Variants in CADM4 observed in about 807,000 individuals in gnomAD.
The protein encoded by CADM4 is TSLC1-like 2.
Under a neutral mutation model 43.9 loss-of-function variants are expected in CADM4, and 13 were observed. The ratio of observed to expected loss-of-function variants is 0.30; its 90% CI spans 0.19 to 0.47. CADM4 has a LOEUF of 0.47. Ranked by LOEUF, CADM4 falls within the 20% of genes least tolerant of loss-of-function variation. The pLI is 1.00. For missense variants in CADM4, 420 were observed against 527.0 expected (o/e 0.80, Z 1.99); for synonymous variants, 209 against 220.9 (o/e 0.95, Z 0.48).
Position 43,625,217 on chromosome 19 carries a change from C to T in CADM4, c.789G>A (p.Glu263=). ...PNQIRWNRGN[E]SLPERAEAVG... ...CGGCCTCCGCCCTCTCCGGCAAAGA[C>T]TCATTCCCGCGGTTCCAGCGGATCT... The change falls in exon 7 of 9, where the codon GAG becomes GAA. Residue 263 remains glutamate, a synonymous_variant. Transcript: ENST00000222374. The surrounding 1 kb of genome is among the most constrained non-coding windows in gnomAD (Gnocchi z 4.5). 5 of 1,614,242 alleles carry T rather than the reference C, an allele frequency of 3.1e-6. No homozygotes were observed. The highest frequency in any genetic ancestry group is 3.4e-6 in the Non-Finnish European group (4 of 1,180,038).
At chr19:43,637,725 C>T (rs889911391) in intron 1 of CADM4, among the ~76,000 whole-genome samples, 7 of 152,124 alleles carry the variant, frequency 4.6e-5, no homozygotes, top group Non-Finnish European at 8.8e-5. Flanking sequence ...ATATTCTGAT[C>T]CTGAGAATTC....
Position 43,625,133 on chromosome 19 carries a change from G to A in CADM4, c.873C>T (p.Cys291=), listed in dbSNP as rs761939968. ...CATGGCCGTGCTTATTGGACGCCTC[G>A]CAAGTGTAGGTGCCGTTATCCGCGG... ...LVSADNGTYT[C]EASNKHGHAR... Residue 291 remains cysteine, a synonymous_variant, in exon 7 of 9, where the codon TGC becomes TGT. Transcript: ENST00000222374. The surrounding 1 kb of genome is among the most constrained non-coding windows in gnomAD (Gnocchi z 4.5). The A allele has an allele frequency of 7.4e-6, 12 of 1,612,948 alleles. No individual in the cohort carries two copies. Among genetic ancestry groups the A allele is most frequent in the East Asian group, 2.2e-5 (1 of 44,784 alleles).
At chr19:43,634,018 C>T (rs1302523131) in intron 1 of CADM4, among the ~76,000 whole-genome samples, 3 of 152,154 alleles carry the variant, frequency 2.0e-5, no homozygotes, top group East Asian at 1.9e-4. Flanking sequence ...CATTTCAGCC[C>T]GACAACTTTG....
chr19:43,626,386 C>T lies in CADM4; in HGVS notation c.500-98G>A, dbSNP rs1973528781. 10 of 1,447,128 alleles carry T rather than the reference C, an allele frequency of 6.9e-6. No individual in the cohort carries two copies. Among genetic ancestry groups the T allele is most frequent in the South Asian group, 1.3e-5 (1 of 77,524 alleles). 89.6% of individuals were successfully genotyped at this position (1,447,128 alleles called of 1,614,324 possible). Reference sequence around the variant, plus strand: ...AAAGCAGGCTATTTGCCAAGCTCCACCCCTTACCCACAGGCCCCGCCTCTT... The same window carrying T: ...AAAGCAGGCTATTTGCCAAGCTCCATCCCTTACCCACAGGCCCCGCCTCTT... On this transcript the variant is annotated intron_variant, in intron 4 of 8. Coordinates refer to ENST00000222374, the MANE Select transcript of CADM4 (RefSeq NM_145296.2). This position sits in a 1 kb window ranked among gnomAD's most constrained non-coding sequence, Gnocchi z 5.9.
chr19:43,624,216 T>C lies in CADM4; in HGVS notation c.955A>G (p.Thr319Ala). Residue 319 changes from threonine to alanine, a missense_variant, in exon 8 of 9, where the codon ACG (threonine) becomes GCG (alanine). Thr to Ala is a moderately conservative substitution (Grantham distance 58). Coordinates refer to ENST00000222374, the MANE Select transcript of CADM4 (RefSeq NM_145296.2). ...CCCACAATGGCATAGGGAACCGACG[T>C]CTGAGCCTCTACCACCGCACCAGGG... The part of the protein sequence containing the change: ...YDPGAVVEAQ[T>A]SVPYAIVGGI... 1 of 1,614,194 alleles carries C rather than the reference T, an allele frequency of 6.2e-7. No homozygotes were observed. The highest frequency in any genetic ancestry group is 8.5e-7 in the Non-Finnish European group (1 of 1,180,028).
intron 1 of CADM4, among the ~76,000 whole-genome samples, chr19:43,637,477 C>T (rs1229555420): frequency 1.3e-5 from 2 of 152,088 alleles, no homozygotes; most frequent in Non-Finnish European, 2.9e-5. Context: ...ACTAAAGGGT[C>T]CTGGGTAAGG....
Position 43,627,525 on chromosome 19 carries a change from C to A in CADM4, c.211+119G>T. 1 of 1,314,332 alleles carries A rather than the reference C, an allele frequency of 7.6e-7. No homozygotes were observed. Among genetic ancestry groups the A allele is most frequent in the Non-Finnish European group, 1.0e-6 (1 of 969,748 alleles). 81.4% of individuals were successfully genotyped at this position (1,314,332 alleles called of 1,614,324 possible). A position where few individuals can be genotyped will look rare whatever the true frequency, so the allele number is the denominator to read the frequency against. ...GGACCAGCAGTCCGGGACCCCAGCC[C>A]TTTCTTCTCCGAGACCCAGGAGACC... On this transcript the variant is annotated intron_variant, in intron 2 of 8. Transcript: ENST00000222374. This position sits in a 1 kb window ranked among gnomAD's most constrained non-coding sequence, Gnocchi z 4.0.
At chr19:43,624,623 C>T (rs554012402) in intron 7 of CADM4, among the ~76,000 whole-genome samples, 1 of 152,258 alleles carries the variant, frequency 6.6e-6, no homozygotes, top group East Asian at 1.9e-4. Context: ...TCTTTTGACT[C>T]AAGTTTCTTC....
At chr19:43,624,938 C>T in intron 7 of CADM4, 140 bp downstream of exon 7, 1 of 920,450 alleles carries the variant, frequency 1.1e-6, no homozygotes, top group South Asian at 1.8e-5. Flanking sequence ...AATTTGAGCC[C>T]CGCGGGCCAG....
intron 1 of CADM4, among the ~76,000 whole-genome samples, chr19:43,628,593 C>A (rs1370106625): frequency 1.3e-5 from 2 of 152,196 alleles, no homozygotes; most frequent in African/African-American, 4.8e-5. Flanking sequence ...ATGCCCTTTG[C>A]AAGTTGATTT....
At position 43,626,818 on chromosome 19, in the gene CADM4, G is replaced by T; in HGVS notation, c.465C>A (p.Thr155=). Residue 155 remains threonine (T), a synonymous_variant, in exon 4 of 9, where the codon ACC becomes ACA. Coordinates refer to ENST00000222374, the MANE Select transcript of CADM4 (RefSeq NM_145296.2). The surrounding 1 kb of genome is among the most constrained non-coding windows in gnomAD (Gnocchi z 5.9). Reference sequence around the variant, plus strand: ...CCTTGCGGTCCCGGTACCAGCGCAGGGTGGCAGCCGGACGGGACCGCGGAA... The same window carrying T: ...CCTTGCGGTCCCGGTACCAGCGCAGTGTGGCAGCCGGACGGGACCGCGGAA... The part of the protein sequence containing the change: ...CLVPRSRPAA[T]LRWYRDRKEL... The T allele has an allele frequency of 6.2e-7, 1 of 1,609,452 alleles. No homozygotes were observed. Among genetic ancestry groups the T allele is most frequent in the Non-Finnish European group, 8.5e-7 (1 of 1,177,466 alleles).
At chr19:43,635,449 C>T (rs1973688392) in intron 1 of CADM4, among the ~76,000 whole-genome samples, 1 of 151,666 alleles carries the variant, frequency 6.6e-6, no homozygotes, top group Admixed American at 6.6e-5. Context: ...CCTCCTCCCT[C>T]AGAAACCTGC....
Position 43,625,379 on chromosome 19 carries a change from C to T in CADM4, c.756-129G>A. ...CCAAATAAGAGGCTTCCTGCTATCT[C>T]TTTCCTTTCTGGAAAACCAACAGTC... On this transcript the variant is annotated intron_variant, in intron 6 of 8. Transcript: ENST00000222374. The surrounding 1 kb of genome is among the most constrained non-coding windows in gnomAD (Gnocchi z 4.5). The T allele has an allele frequency of 1.1e-6, 1 of 939,682 alleles. No individual in the cohort carries two copies. The highest frequency in any genetic ancestry group is 1.5e-6 in the Non-Finnish European group (1 of 647,966). The allele number at this position is 939,682 out of a possible 1,614,324, so 58.2% of individuals were successfully genotyped here.
Position 43,626,752 on chromosome 19 carries a change from C to G in CADM4, c.499+32G>C, listed in dbSNP as rs114882270. The G allele has an allele frequency of 1.5e-3, 2,288 of 1,538,296 alleles. 18 individuals carry two copies. In the African/African-American group the frequency reaches 0.028, roughly 19 times the overall value. ...AACCTCTCCTAAGTCCCACCTCCTCCCCATCCCTTGTCAGCACTCGGCCCA... is the reference window on the plus strand; with the variant it reads ...AACCTCTCCTAAGTCCCACCTCCTCGCCATCCCTTGTCAGCACTCGGCCCA... On this transcript the variant is annotated intron_variant, in intron 4 of 8. Transcript: ENST00000222374. The surrounding 1 kb of genome is among the most constrained non-coding windows in gnomAD (Gnocchi z 5.9).
Position 43,622,534 on chromosome 19 carries a change from TGATATTTTC to T in CADM4, c.*787_*795del, listed in dbSNP as rs1455943522. 1 of 152,268 alleles carries T rather than the reference TGATATTTTC, an allele frequency of 6.6e-6. No homozygotes were observed. Among genetic ancestry groups the T allele is most frequent in the Non-Finnish European group, 1.5e-5 (1 of 68,070 alleles). 9.4% of individuals were successfully genotyped at this position (152,268 alleles called of 1,614,324 possible). On this transcript the variant is annotated 3_prime_UTR_variant, in exon 9 of 9. Transcript: ENST00000222374. ...GGAATGGGGAGAGGGGGGTGCAATC[TGATATTTTC>T]ATACAGACTTTTGATTTTTTAATAT...
intron 1 of CADM4, among the ~76,000 whole-genome samples, chr19:43,628,923 C>G (rs1302893791): frequency 6.6e-6 from 1 of 152,160 alleles, no homozygotes; most frequent in Non-Finnish European, 1.5e-5. Flanking sequence ...CAGTTGAGAC[C>G]AATAAAAGAT....
intron 1 of CADM4, among the ~76,000 whole-genome samples, chr19:43,630,810 C>T (rs1431388451): frequency 2.6e-5 from 4 of 152,166 alleles, no homozygotes; most frequent in Admixed American, 2.0e-4. Flanking sequence ...GATTTGCTTT[C>T]ATCCTAAGGG....
intron 1 of CADM4, among the ~76,000 whole-genome samples, chr19:43,629,281 C>T (rs1048716858): frequency 1.4e-4 from 22 of 152,094 alleles, no homozygotes; most frequent in East Asian, 1.2e-3. Flanking sequence ...CCCCATGACC[C>T]GCCTGTATAG....
rs1339772319 is a variant in CADM4 at position 43,622,450 on chromosome 19, T to G, written c.*880A>C. ...CCCTCCCCACCCCGTACAAAATGTGTGTGTGGTTTTTTGTTTTTTGTTTTT... is the reference window on the plus strand; with the variant it reads ...CCCTCCCCACCCCGTACAAAATGTGGGTGTGGTTTTTTGTTTTTTGTTTTT... On this transcript the variant is annotated 3_prime_UTR_variant, in exon 9 of 9. Transcript: ENST00000222374. 1 of 151,736 alleles carries G rather than the reference T, an allele frequency of 6.6e-6. No homozygotes were observed. The highest frequency in any genetic ancestry group is 1.5e-5 in the Non-Finnish European group (1 of 67,974). The allele number at this position is 151,736 out of a possible 1,614,324, so 9.4% of individuals were successfully genotyped here.
Sources: allele counts gnomAD v4.1 joint callset (sites outside exome capture counted in the v4.1 genomes callset), GRCh38; gene constraint gnomAD v4.1.1; non-coding constraint Gnocchi (gnomAD v3.1); transcripts MANE v1.5; gene names NCBI Gene and HGNC (gene_info 2026-07-23, HGNC 2026-07-21).